Variants in SLC4A8 observed in about 807,000 individuals in gnomAD.
The protein encoded by SLC4A8 is electroneutral sodium bicarbonate exchanger 1.
Under a neutral mutation model 125.0 loss-of-function variants are expected in SLC4A8, and 40 were observed. The observed-to-expected ratio is 0.32, with a 90% CI of 0.25 to 0.42. The LOEUF is 0.42. Ranked by LOEUF, SLC4A8 falls within the 10% of genes least tolerant of loss-of-function variation. The probability of loss-of-function intolerance (pLI) is 1.00; values close to 1 mark genes in which losing one functional copy is unlikely to be tolerated. For missense variants in SLC4A8, 863 were observed against 1,355.1 expected, an observed-to-expected ratio of 0.64 and a Z score of 5.70; for synonymous variants, 456 against 476.0, an observed-to-expected ratio of 0.96 and a Z score of 0.55.
intron 4 of SLC4A8, among the ~76,000 whole-genome samples, chr12:51,453,245 G>A (rs964059407): frequency 1.3e-5 from 2 of 152,110 alleles, no homozygotes; most frequent in African/African-American, 4.8e-5. Flanking sequence ...AAAATTATCT[G>A]TAATTCCACA....
In SLC4A8 at chr12:51,495,086, G is replaced by A. The variant is rs758175587; in HGVS notation, c.2911G>A (p.Ala971Thr). Residue 971 changes from alanine (A) to threonine (T), a missense_variant, in exon 21 of 25, where the codon GCA becomes ACA. Transcript: ENST00000453097. ...TCLVLLWVIK[A>T]SPAAIVFPMM... Reference sequence around the variant, plus strand: ...TCTCGTCCTGCTCTGGGTCATCAAGGCATCTCCAGCTGCCATTGTTTTCCC... The same window carrying A: ...TCTCGTCCTGCTCTGGGTCATCAAGACATCTCCAGCTGCCATTGTTTTCCC... 1.2e-6 allele frequency: 2 copies of A among 1,612,584 alleles called. No homozygotes were observed. Among genetic ancestry groups the A allele is most frequent in the African/African-American group, 2.7e-5 (2 of 74,898 alleles).
intron 18 of SLC4A8, 106 bp downstream of exon 18, chr12:51,488,966 G>T: frequency 1.2e-6 from 1 of 820,390 alleles, no homozygotes; most frequent in Non-Finnish European, 1.9e-6. Flanking sequence ...TCTCATAGAA[G>T]AGGTTCATAA....
chr12:51,394,373 C>T (rs1430081006), intron 1 of SLC4A8, among the ~76,000 whole-genome samples: 1 of 152,170 alleles, frequency 6.6e-6, no homozygotes, highest in Non-Finnish European at 1.5e-5. Flanking sequence ...GATGTGTGAC[C>T]CACCCCTAAT....
chr12:51,442,075 C>A (rs1019482499), intron 2 of SLC4A8, among the ~76,000 whole-genome samples: 15 of 152,124 alleles, frequency 9.9e-5, no homozygotes, highest in African/African-American at 3.1e-4. Context: ...CTTCATAGCA[C>A]CCCAGGCAGG....
At chr12:51,424,821 C>T (rs562427574), upstream of SLC4A8, 102 of 655,466 alleles carry the variant, frequency 1.6e-4, 2 homozygotes, top group South Asian at 1.9e-3. Flanking sequence ...TTGGTTGCGG[C>T]GGATGCCTCG....
Position 51,450,919 on chromosome 12 carries a change from G to A in SLC4A8, c.174G>A (p.Arg58=). The change falls in exon 3 of 25, where the codon CGG becomes CGA. Residue 58 remains arginine, a synonymous_variant. Coordinates refer to ENST00000453097, the MANE Select transcript of SLC4A8 (RefSeq NM_001039960.3). ...TGGGAGTTCGGATGCCGCTTGGCCG[G>A]CAGAGCCATCGGCATCACCGCACTC... ...LYVGVRMPLG[R]QSHRHHRTHG... 6.2e-7 allele frequency: 1 copy of A among 1,611,660 alleles called. No homozygotes were observed.
intron 1 of SLC4A8, among the ~76,000 whole-genome samples, chr12:51,408,312 C>T (rs1193880578): frequency 5.9e-5 from 9 of 152,144 alleles, no homozygotes; most frequent in Admixed American, 5.9e-4. Context: ...TTACTGCAAC[C>T]TCCGTCCCCT....
intron 9 of SLC4A8, 86 bp from the exon 10 acceptor site, chr12:51,462,224 T>G: frequency 8.2e-7 from 1 of 1,221,670 alleles, no homozygotes; most frequent in Non-Finnish European, 1.2e-6. Flanking sequence ...AATCAACAGG[T>G]TGTATTCATT....
chr12:51,489,503 G>A (rs1384946078), intron 18 of SLC4A8, among the ~76,000 whole-genome samples, 197 bp from the exon 19 acceptor site: 2 of 152,180 alleles, frequency 1.3e-5, no homozygotes, highest in African/African-American at 2.4e-5. Context: ...GCATATATAG[G>A]ACAGGCTAAG....
intron 14 of SLC4A8, 57 bp from the exon 15 acceptor site, chr12:51,474,285 C>T (rs1950797223): frequency 8.7e-7 from 1 of 1,151,118 alleles, no homozygotes; most frequent in South Asian, 1.5e-5. Flanking sequence ...GTTCTAAAAA[C>T]ATTTAACTGA....
At chr12:51,402,455 C>T (rs555188904) in intron 1 of SLC4A8, among the ~76,000 whole-genome samples, 1 of 152,308 alleles carries the variant, frequency 6.6e-6, no homozygotes, top group East Asian at 1.9e-4. Flanking sequence ...GGCACAGTAG[C>T]TCACGCCTGT....
rs144487576 is a variant in SLC4A8 at position 51,509,721 on chromosome 12, C to G, written c.*2283C>G. The stretch of plus-strand genomic sequence containing the variant: ...TGCCTTGACCGCTTGAGGGGAGGAG[C>G]CTTCATTAACTCTGTGTAGTGCAGG... On this transcript the variant is annotated 3_prime_UTR_variant, in exon 25 of 25. Coordinates refer to ENST00000453097, the MANE Select transcript of SLC4A8 (RefSeq NM_001039960.3). 2.6e-5 allele frequency: 4 copies of G among 152,286 alleles called. No homozygotes were observed. The East Asian group carries it at 7.7e-4, about 29-fold the overall frequency. 9.4% of individuals were successfully genotyped at this position (152,286 alleles called of 1,614,324 possible).
At position 51,512,363 on chromosome 12, in the gene SLC4A8, T is replaced by C. The variant is rs532977731; in HGVS notation, c.*4925T>C. The C allele has an allele frequency of 3.3e-5, 5 of 152,336 alleles. No individual in the cohort carries two copies. The highest frequency in any genetic ancestry group is 7.2e-5 in the African/African-American group (3 of 41,556). The allele number at this position is 152,336 out of a possible 1,614,324, so 9.4% of individuals were successfully genotyped here. On this transcript the variant is annotated 3_prime_UTR_variant, in exon 25 of 25. Coordinates refer to ENST00000453097, the MANE Select transcript of SLC4A8 (RefSeq NM_001039960.3). ...TTGAGGGGAGCTCTCTTGGTTTCCTTTGGCCGGGTCTGTTAGTTACTTTTG... is the reference window on the plus strand; with the variant it reads ...TTGAGGGGAGCTCTCTTGGTTTCCTCTGGCCGGGTCTGTTAGTTACTTTTG...
chr12:51,505,873 C>T lies in SLC4A8; in HGVS notation c.3212C>T (p.Pro1071Leu). ...PSEINISDEM[P>L]KTTVWKALSM... ...GAGATTAATATATCTGATGAAATGC[C>T]TAAAACTACAGTTTGGAAAGCTCTC... The change falls in exon 24 of 25, where the codon CCT becomes CTT. Residue 1071 changes from proline (P) to leucine (L), a missense_variant. By Grantham distance (98) the Pro-to-Leu change is moderately conservative (BLOSUM62 -3). Transcript: ENST00000453097. 6.3e-7 allele frequency: 1 copy of T among 1,590,506 alleles called. No individual in the cohort carries two copies. Among genetic ancestry groups the T allele is most frequent in the Non-Finnish European group, 8.6e-7 (1 of 1,160,526 alleles).
Position 51,485,799 on chromosome 12 carries a change from G to A in SLC4A8, c.2185G>A (p.Val729Met). 1 of 1,607,968 alleles carries A rather than the reference G, an allele frequency of 6.2e-7. No individual in the cohort carries two copies. The highest frequency in any genetic ancestry group is 8.5e-7 in the Non-Finnish European group (1 of 1,174,474). ...TTTCTCATGCCAGGTACGCTCCATG[G>A]TGAGTGACTTTGCTGTTTTCCTCAC... ...RYFPTRVRSMVSDFAVFLTIF... is the reference protein window; with the variant it reads ...RYFPTRVRSMMSDFAVFLTIF... Residue 729 changes from valine (V) to methionine (M), a missense_variant, in exon 17 of 25, where the codon GTG (valine) becomes ATG (methionine). This residue lies in a region of SLC4A8 where 197 missense variants were observed against 377.7 expected (regional missense o/e 0.52). Transcript: ENST00000453097.
At chr12:51,504,746 T>C (rs1016360466) in intron 23 of SLC4A8, among the ~76,000 whole-genome samples, 6 of 152,200 alleles carry the variant, frequency 3.9e-5, no homozygotes, top group African/African-American at 1.4e-4. Context: ...CAAGGGGGAA[T>C]TGAACTGGGA....
intron 1 of SLC4A8, among the ~76,000 whole-genome samples, chr12:51,406,022 G>C (rs565127992): frequency 1.8e-4 from 27 of 152,206 alleles, no homozygotes; most frequent in Non-Finnish European, 3.1e-4. Flanking sequence ...AGATATATAA[G>C]ACAAACACAC....
intron 5 of SLC4A8, among the ~76,000 whole-genome samples, chr12:51,455,073 A>G (rs1415471751): frequency 1.5e-5 from 2 of 132,272 alleles, no homozygotes; most frequent in African/African-American, 5.8e-5. Context: ...CCCTTAATCC[A>G]TTTAACTCTG....
At chr12:51,468,476 C>T (rs1950588485) in intron 11 of SLC4A8, among the ~76,000 whole-genome samples, 1 of 152,196 alleles carries the variant, frequency 6.6e-6, no homozygotes, top group Admixed American at 6.5e-5. Flanking sequence ...AAAACCATTT[C>T]TGGCCGGGTG....
Sources: allele counts gnomAD v4.1 joint callset (sites outside exome capture counted in the v4.1 genomes callset), GRCh38; gene constraint gnomAD v4.1.1; regional missense constraint gnomAD v4.1.1; transcripts MANE v1.5; gene names NCBI Gene and HGNC (gene_info 2026-07-23, HGNC 2026-07-21).